KANSL1: variants seen among roughly 807,000 people sequenced by gnomAD.
KANSL1 encodes MLL1/MLL complex subunit KANSL1.
In KANSL1, 22 loss-of-function variants were observed where a neutral mutation model predicts 103.6. The observed-to-expected ratio is 0.21, with a 90% CI of 0.15 to 0.30. The LOEUF is 0.30. KANSL1 is among the 10% of genes least tolerant of loss of function. KANSL1 has a pLI of 1.00. For synonymous variants in KANSL1, 600 were observed against 527.6 expected (o/e 1.14, Z -1.88); for missense variants, 1,337 against 1,399.8 (o/e 0.96, Z 0.72).
intron 6 of KANSL1, among the ~76,000 whole-genome samples, chr17:46,061,002 T>A (rs557831183): frequency 6.8e-6 from 1 of 147,472 alleles, no homozygotes; most frequent in East Asian, 1.9e-4. Context: ...TGCTACTTTT[T>A]AAAAAATTGA....
intron 1 of KANSL1, among the ~76,000 whole-genome samples, chr17:46,216,905 A>G (rs968253711): frequency 2.0e-5 from 3 of 152,132 alleles, no homozygotes; most frequent in Non-Finnish European, 2.9e-5. Flanking sequence ...CAGGAGTTCA[A>G]TATCAGCCTG....
chr17:46,074,300 T>C (rs1302377976), intron 4 of KANSL1, among the ~76,000 whole-genome samples: 4 of 152,156 alleles, frequency 2.6e-5, no homozygotes, highest in African/African-American at 9.7e-5. Context: ...TAATAGGTTA[T>C]AATCCATTAA....
chr17:46,108,654 G>T (rs1192266807), intron 2 of KANSL1, among the ~76,000 whole-genome samples: 2 of 152,204 alleles, frequency 1.3e-5, no homozygotes, highest in Admixed American at 1.3e-4. Context: ...TTGTTCAAAG[G>T]GAAGGAAGGA....
chr17:46,225,281 T>G (rs576618253), upstream of KANSL1: 15 of 152,364 alleles, frequency 9.8e-5, no homozygotes, highest in East Asian at 2.9e-3. Flanking sequence ...CCTGGCCCAC[T>G]CGTGCCCCCA....
chr17:46,062,134 A>AAAAAAAAAAAAAAAC (rs67483415), intron 6 of KANSL1, among the ~76,000 whole-genome samples: 1 of 132,750 alleles, frequency 7.5e-6, no homozygotes, highest in Non-Finnish European at 1.6e-5. Context: ...AAAAAAAAAA[A>AAAAAAAAAAAAAAAC]CATGTTACAG....
intron 2 of KANSL1, among the ~76,000 whole-genome samples, chr17:46,102,549 C>T (rs1197686832): frequency 6.6e-6 from 1 of 152,100 alleles, no homozygotes; most frequent in Non-Finnish European, 1.5e-5. Context: ...AGCACCCAGC[C>T]CCAGAGCCAA....
chr17:46,203,164 G>A (rs544871072), intron 1 of KANSL1, among the ~76,000 whole-genome samples: 1 of 152,282 alleles, frequency 6.6e-6, no homozygotes, highest in East Asian at 1.9e-4. Flanking sequence ...CCCAGCGGGA[G>A]GTAGAGGTTG....
intron 1 of KANSL1, among the ~76,000 whole-genome samples, chr17:46,213,300 G>C (rs925073399): frequency 5.9e-5 from 9 of 152,058 alleles, no homozygotes; most frequent in Non-Finnish European, 1.2e-4. Flanking sequence ...TGTTGTTGTT[G>C]TTGTTGTTGT....
intron 2 of KANSL1, among the ~76,000 whole-genome samples, chr17:46,149,968 G>C (rs910014392): frequency 6.6e-6 from 1 of 150,976 alleles, no homozygotes; most frequent in South Asian, 2.1e-4. Context: ...CTTGCAGTGA[G>C]CTGAGATCGC....
At chr17:46,120,194 G>A (rs1318220569) in intron 2 of KANSL1, 3 of 152,164 alleles carry the variant, frequency 2.0e-5, no homozygotes, top group African/African-American at 7.2e-5. Flanking sequence ...CTCTTTCATG[G>A]AGCCATGTAA....
Position 46,031,434 on chromosome 17 carries a change from A to T in KANSL1, c.*42T>A. ...AAACGCAGAGATTTCTGAAGCTTTA[A>T]TGCCAATAGTTAGTGAGTCTGTTTA... On this transcript the variant is annotated 3_prime_UTR_variant, in exon 15 of 15. Transcript: ENST00000432791. 6.6e-7 allele frequency: 1 copy of T among 1,512,478 alleles called. No homozygotes were observed. Among genetic ancestry groups the T allele is most frequent in the Non-Finnish European group, 9.0e-7 (1 of 1,111,434 alleles). 93.7% of individuals were successfully genotyped at this position (1,512,478 alleles called of 1,614,324 possible).
intron 1 of KANSL1, among the ~76,000 whole-genome samples, chr17:46,185,217 A>AC (rs372705928): frequency 0.12 from 18,689 of 150,274 alleles, 33 homozygotes; most frequent in Middle Eastern, 0.19. Flanking sequence ...GCAGACCAAC[A>AC]CACGTTAAGC....
chr17:46,168,425 G>A (rs866501458), intron 2 of KANSL1, among the ~76,000 whole-genome samples: 1 of 151,704 alleles, frequency 6.6e-6, no homozygotes, highest in East Asian at 1.9e-4. Flanking sequence ...TCAGCTCACC[G>A]CAACCTCCGC....
In KANSL1 at chr17:46,190,145, A is replaced by G. The variant is rs2047242802; in HGVS notation, c.-90+2678T>C. ...ACTCAATCCTCTACAGAAGACGCAG[A>G]GACACTGGTTACAATGTAGCATTAC... is the stretch of plus-strand genomic sequence containing the variant. On this transcript the variant is annotated intron_variant, in intron 1 of 14. Coordinates refer to ENST00000432791, the MANE Select transcript of KANSL1 (RefSeq NM_015443.4). Among the ~76,000 whole-genome samples, 3 of 152,264 alleles carry G rather than the reference A, an allele frequency of 2.0e-5. No homozygotes were observed. The South Asian group carries it at 6.2e-4, about 31-fold the overall frequency.
At chr17:46,145,178 G>A (rs1024175972) in intron 2 of KANSL1, among the ~76,000 whole-genome samples, 4 of 152,238 alleles carry the variant, frequency 2.6e-5, no homozygotes, top group African/African-American at 9.6e-5. Context: ...ACGGAGACTA[G>A]TTTTGCATGA....
chr17:46,173,834 T>A (rs1288271936), intron 1 of KANSL1, among the ~76,000 whole-genome samples: 3 of 152,244 alleles, frequency 2.0e-5, no homozygotes, highest in African/African-American at 4.8e-5. Flanking sequence ...GTGCATTTTT[T>A]AAAAATATTC....
chr17:46,041,555 G>T (rs1168547345), intron 7 of KANSL1: 1 of 152,172 alleles, frequency 6.6e-6, no homozygotes, highest in African/African-American at 2.4e-5. Context: ...AGAATAGAAT[G>T]AAACACCACT....
intron 1 of KANSL1, among the ~76,000 whole-genome samples, chr17:46,191,023 T>G (rs2047290737): frequency 1.3e-5 from 2 of 152,202 alleles, no homozygotes; most frequent in African/African-American, 4.8e-5. Flanking sequence ...AGAACCACAT[T>G]TCGTATTTAC....
At chr17:46,101,754 C>CAAAAAAAAAAAAAAAAAA (rs372439614) in intron 2 of KANSL1, among the ~76,000 whole-genome samples, 2 of 93,682 alleles carry the variant, frequency 2.1e-5, no homozygotes, top group East Asian at 4.6e-4. Context: ...ACTCTGTCTA[C>CAAAAAAAAAAAAAAAAAA]AAAAAAAAAA....
Sources: allele counts gnomAD v4.1 joint callset (sites outside exome capture counted in the v4.1 genomes callset), GRCh38; gene constraint gnomAD v4.1.1; transcripts MANE v1.5; gene names NCBI Gene and HGNC (gene_info 2026-07-23, HGNC 2026-07-21).